Variants in ACTR8 observed in about 807,000 individuals in gnomAD.
The protein encoded by ACTR8 is actin-related protein 8.
In ACTR8, 70 loss-of-function variants were observed where a neutral mutation model predicts 84.3. The ratio of observed to expected loss-of-function variants is 0.83; its 90% CI spans 0.68 to 1.01. The LOEUF is 1.01. Among genes scored for constraint, ACTR8 ranks in the 50% least tolerant of loss-of-function variants. The probability of loss-of-function intolerance (pLI) is 0.00; values close to 1 mark genes in which losing one functional copy is unlikely to be tolerated. For synonymous variants in ACTR8, 268 were observed against 275.2 expected, an observed-to-expected ratio of 0.97 and a Z score of 0.26; for missense variants, 672 against 775.4, an observed-to-expected ratio of 0.87 and a Z score of 1.58.
chr3:53,875,830 G>T, intron 7 of ACTR8, 118 bp downstream of exon 7: 1 of 1,440,084 alleles, frequency 6.9e-7, no homozygotes, highest in Non-Finnish European at 9.4e-7. Flanking sequence ...GGTTTACCAT[G>T]CAGACTTTTG....
In ACTR8 at chr3:53,870,156, A is replaced by G; in HGVS notation, c.1568-11T>C. ...TGGTGTCGTCAGATGCTGAAAAGAC[A>G]GTTGACATCCTCCATGCTTTTTTCT... is the stretch of plus-strand genomic sequence containing the variant. On this transcript the variant is annotated splice_polypyrimidine_tract_variant and intron_variant, in intron 11 of 12. Coordinates refer to ENST00000335754, the MANE Select transcript of ACTR8 (RefSeq NM_022899.5). This position sits in a 1 kb window ranked among gnomAD's most constrained non-coding sequence, Gnocchi z 4.1. 1 of 1,609,818 alleles carries G rather than the reference A, an allele frequency of 6.2e-7. No homozygotes were observed. The highest frequency in any genetic ancestry group is 8.5e-7 in the Non-Finnish European group (1 of 1,176,512).
intron 8 of ACTR8, 43 bp from the exon 9 acceptor site, chr3:53,873,170 C>T: frequency 6.8e-7 from 1 of 1,463,524 alleles, no homozygotes; most frequent in Non-Finnish European, 9.5e-7. Context: ...AGTAAGAATG[C>T]ATGTAAACTC....
chr3:53,879,634 T>C (rs1700029120), intron 2 of ACTR8, among the ~76,000 whole-genome samples: 1 of 152,206 alleles, frequency 6.6e-6, no homozygotes, highest in African/African-American at 2.4e-5. Flanking sequence ...AGTTTAAATA[T>C]GGCTTAATCC....
chr3:53,863,193 C>G (rs1249306892), downstream of ACTR8, among the ~76,000 whole-genome samples: 1 of 152,118 alleles, frequency 6.6e-6, no homozygotes, highest in Non-Finnish European at 1.5e-5. Context: ...GTAAGACTTC[C>G]AGTCAACAGT....
In ACTR8 at chr3:53,870,280, A is replaced by T. The variant is rs1468639307; in HGVS notation, c.1568-135T>A. ...CCCTCCAGCCCACCCTCCACACTGCAGCCAGGGGAACCCTACGAAACACAA... is the reference window on the plus strand; with the variant it reads ...CCCTCCAGCCCACCCTCCACACTGCTGCCAGGGGAACCCTACGAAACACAA... On this transcript the variant is annotated intron_variant, in intron 11 of 12. Coordinates refer to ENST00000335754, the MANE Select transcript of ACTR8 (RefSeq NM_022899.5). The surrounding 1 kb of genome is among the most constrained non-coding windows in gnomAD (Gnocchi z 4.1). 9.9e-7 allele frequency: 1 copy of T among 1,006,798 alleles called. No individual in the cohort carries two copies. 62.4% of individuals were successfully genotyped at this position (1,006,798 alleles called of 1,614,324 possible). A position where few individuals can be genotyped will look rare whatever the true frequency, so the allele number is the denominator to read the frequency against.
In ACTR8 at chr3:53,876,098, A is replaced by G. The variant is rs750557625; in HGVS notation, c.779-18T>C. 5 of 1,613,210 alleles carry G rather than the reference A, an allele frequency of 3.1e-6. No homozygotes were observed. In the South Asian group the frequency reaches 5.5e-5, roughly 18 times the overall value. ...CACAATCCCTGGGGGGGGAAAAGAA[A>G]AGGCAGAGTAGTCATTAGCTGTAGC... On this transcript the variant is annotated intron_variant, in intron 6 of 12. Transcript: ENST00000335754.
Position 53,870,197 on chromosome 3 carries a change from T to C in ACTR8, c.1568-52A>G. On this transcript the variant is annotated intron_variant, in intron 11 of 12. Transcript: ENST00000335754. The surrounding 1 kb of genome is among the most constrained non-coding windows in gnomAD (Gnocchi z 4.1). ...GCTTTTTTCTCCACATCCATAATTC[T>C]AGGCCAAGCCACCAACACCTCTTGC... is the stretch of plus-strand genomic sequence containing the variant. 6.3e-7 allele frequency: 1 copy of C among 1,588,444 alleles called. No individual in the cohort carries two copies. The highest frequency in any genetic ancestry group is 2.2e-5 in the East Asian group (1 of 44,452).
At chr3:53,875,042 G>C (rs1415749166) in intron 7 of ACTR8, among the ~76,000 whole-genome samples, 1 of 152,214 alleles carries the variant, frequency 6.6e-6, no homozygotes, top group Non-Finnish European at 1.5e-5. Context: ...ACTTATGGGA[G>C]AATAGCTTAG....
intron 10 of ACTR8, 56 bp downstream of exon 10, chr3:53,872,328 C>T: frequency 6.7e-7 from 1 of 1,495,852 alleles, no homozygotes. Context: ...TAACTCTGGA[C>T]AAATTTCTCC....
intron 2 of ACTR8, among the ~76,000 whole-genome samples, chr3:53,879,078 GGTT>G (rs1700020811): frequency 6.6e-6 from 1 of 152,102 alleles, no homozygotes; most frequent in South Asian, 2.1e-4. Flanking sequence ...TAAACTTTTT[GGTT>G]AAGCCATAAA....
intron 1 of ACTR8, among the ~76,000 whole-genome samples, chr3:53,880,957 C>T (rs912693230): frequency 6.6e-6 from 1 of 152,220 alleles, no homozygotes; most frequent in Non-Finnish European, 1.5e-5. Flanking sequence ...GCTCTGATAC[C>T]TGTTGTCCTA....
rs371924812 is a variant in ACTR8 at position 53,872,521 on chromosome 3, G to A, written c.1165C>T (p.Pro389Ser). ...FRLGDEKLQA[P>S]MALFYPATFG... ...GTTGCGGGGTAAAACAAAGCCATTG[G>A]AGCCTGTACATGAAGAAAAAGAGTG... is the stretch of plus-strand genomic sequence containing the variant. The change falls in exon 10 of 13, where the codon CCA (proline) becomes TCA (serine). Residue 389 changes from proline to serine, a missense_variant. Pro to Ser is a moderately conservative substitution (Grantham distance 74, BLOSUM62 -1). Coordinates refer to ENST00000335754, the MANE Select transcript of ACTR8 (RefSeq NM_022899.5). The A allele has an allele frequency of 1.4e-5, 22 of 1,596,332 alleles. No homozygotes were observed. In the East Asian group the frequency reaches 4.3e-4, roughly 31 times the overall value.
chr3:53,877,727 G>A lies in ACTR8; in HGVS notation c.430C>T (p.Arg144Ter), dbSNP rs772449859. 15 of 1,613,944 alleles carry A rather than the reference G, an allele frequency of 9.3e-6. No individual in the cohort carries two copies. Among genetic ancestry groups the A allele is most frequent in the South Asian group, 5.5e-5 (5 of 91,068 alleles). ...EQARSYNKQM[R>*]PAILDHCSGN... ...GAACAGTGATCTAAAATTGCAGGTC[G>A]CATCTGCTTATTGTAGGAGCGTGCC... The change falls in exon 4 of 13, where the codon CGA becomes TGA. Residue 144 changes from arginine to a stop codon, truncating the protein, a stop_gained. Transcript: ENST00000335754. LOFTEE classifies it high-confidence loss of function.
rs777808022 is a variant in ACTR8 at position 53,870,379 on chromosome 3, A to G, written c.1568-234T>C. ...TCAAAATCTTTAAAGGAGGCCGAGC[A>G]TGGTGGCTCACGCCTGTAATCCCAG... On this transcript the variant is annotated intron_variant, in intron 11 of 12. Transcript: ENST00000335754. This position sits in a 1 kb window ranked among gnomAD's most constrained non-coding sequence, Gnocchi z 4.1. 2.5e-5 allele frequency: 13 copies of G among 525,516 alleles called. No individual in the cohort carries two copies. The highest frequency in any genetic ancestry group is 4.4e-5 in the Non-Finnish European group (13 of 296,664). The allele number at this position is 525,516 out of a possible 1,614,324, so 32.6% of individuals were successfully genotyped here. A position where few individuals can be genotyped will look rare whatever the true frequency, so the allele number is the denominator to read the frequency against.
chr3:53,873,991 A>G (rs748626474), intron 8 of ACTR8, among the ~76,000 whole-genome samples: 13 of 151,868 alleles, frequency 8.6e-5, no homozygotes, highest in Non-Finnish European at 1.5e-4. Flanking sequence ...CGCCCGGCTA[A>G]TTTTTTGTAT....
At position 53,868,842 on chromosome 3, in the gene ACTR8, A is replaced by T; in HGVS notation, c.1752T>A (p.Ile584=). Residue 584 remains isoleucine (I), a synonymous_variant, in exon 13 of 13, where the codon ATT becomes ATA. Transcript: ENST00000335754. ...TRPKDMDPRL[I]AWKGGAVLAC... ...CCAACACTGCCCCTCCTTTCCATGC[A>T]ATCAGCCGGGGGTCCATGTCCTACA... 6.2e-7 allele frequency: 1 copy of T among 1,614,124 alleles called. No individual in the cohort carries two copies. Among genetic ancestry groups the T allele is most frequent in the South Asian group, 1.1e-5 (1 of 91,082 alleles).
chr3:53,877,467 C>T (rs1305852468), intron 4 of ACTR8, 80 bp from the exon 5 acceptor site: 2 of 1,427,836 alleles, frequency 1.4e-6, no homozygotes, highest in Non-Finnish European at 1.9e-6. Flanking sequence ...AAAAATCTAA[C>T]TAACGTTTGC....
Position 53,868,645 on chromosome 3 carries a change from T to G in ACTR8, c.*74A>C. The G allele has an allele frequency of 6.4e-7, 1 of 1,560,742 alleles. No individual in the cohort carries two copies. The highest frequency in any genetic ancestry group is 1.4e-5 in the African/African-American group (1 of 73,154). On this transcript the variant is annotated 3_prime_UTR_variant, in exon 13 of 13. Coordinates refer to ENST00000335754, the MANE Select transcript of ACTR8 (RefSeq NM_022899.5). ...AAGCATCCAGATCAATAAATTACAA[T>G]ACACATATTCTGTAAGAGTCTTTTA...
downstream of ACTR8, among the ~76,000 whole-genome samples, chr3:53,862,325 A>C (rs1699591684): frequency 6.6e-6 from 1 of 152,182 alleles, no homozygotes; most frequent in Non-Finnish European, 1.5e-5. Flanking sequence ...GATTGTCAAC[A>C]CTATGGACGA....
Sources: gnomAD v4.1 joint callset for allele counts (sites outside exome capture counted in the v4.1 genomes callset) on GRCh38, gnomAD v4.1.1 for gene constraint, Gnocchi (gnomAD v3.1) non-coding constraint, MANE v1.5 for transcripts, NCBI Gene and HGNC (gene_info 2026-07-23, HGNC 2026-07-21) for gene names.